STARD9: variants seen among roughly 807,000 people sequenced by gnomAD.
STARD9 encodes StAR related lipid transfer domain containing 9, also known as stAR-related lipid transfer protein 9.
STARD9 carries 346 observed loss-of-function variants against 399.8 expected under a neutral mutation model. That is an observed-to-expected ratio of 0.87 (90% CI 0.79 to 0.95). The LOEUF (loss-of-function observed/expected upper bound fraction) is 0.95, where lower values mean the gene tolerates loss of function less well. Ranked by LOEUF, STARD9 falls within the 40% of genes least tolerant of loss-of-function variation. The probability of loss-of-function intolerance (pLI) is 0.00; values close to 1 mark genes in which losing one functional copy is unlikely to be tolerated. For synonymous variants in STARD9, 2,203 were observed against 2,143.5 expected (o/e 1.03, Z -0.77); for missense variants, 5,832 against 5,667.5 (o/e 1.03, Z -0.93).
chr15:42,601,735 A>G (rs1481260107), intron 3 of STARD9, among the ~76,000 whole-genome samples: 2 of 152,274 alleles, frequency 1.3e-5, no homozygotes, highest in Admixed American at 1.3e-4. Context: ...AAAGATGGAC[A>G]GTGTGTTTGA....
chr15:42,641,340 A>G (rs1431320418), intron 7 of STARD9, among the ~76,000 whole-genome samples: 1 of 152,232 alleles, frequency 6.6e-6, no homozygotes, highest in Non-Finnish European at 1.5e-5. Flanking sequence ...AAACCATTAC[A>G]AATACAGGTG....
chr15:42,588,550 C>A (rs777008143), intron 3 of STARD9, among the ~76,000 whole-genome samples: 5 of 152,080 alleles, frequency 3.3e-5, no homozygotes, highest in Admixed American at 6.6e-5. Context: ...ACCTCTGTCA[C>A]AAGCTGGAGT....
intron 7 of STARD9, among the ~76,000 whole-genome samples, chr15:42,649,247 C>A (rs900915496): frequency 2.6e-5 from 4 of 152,004 alleles, no homozygotes; most frequent in Non-Finnish European, 4.4e-5. Flanking sequence ...TCAGGCTGGT[C>A]TTGAACTCCT....
chr15:42,669,202 G>A lies in STARD9; in HGVS notation c.1362G>A (p.Trp454Ter). 1 of 1,536,394 alleles carries A rather than the reference G, an allele frequency of 6.5e-7. No homozygotes were observed. The highest frequency in any genetic ancestry group is 8.7e-7 in the Non-Finnish European group (1 of 1,146,214). ...TKDWTQKWND[W>*]QALMEHYSVD... ...ACTGGACCCAGAAGTGGAATGATTG[G>A]CAGGCCCTCATGGAGCATTACAGTG... is the stretch of plus-strand genomic sequence containing the variant. Residue 454 changes from tryptophan (W) to a stop codon, truncating the protein, a stop_gained, in exon 16 of 33, where the codon TGG becomes TGA. Coordinates refer to ENST00000290607, the MANE Select transcript of STARD9 (RefSeq NM_020759.3). LOFTEE classifies it high-confidence loss of function.
At chr15:42,658,483 CTT>C (rs533409304) in intron 9 of STARD9, among the ~76,000 whole-genome samples, 7 of 135,114 alleles carry the variant, frequency 5.2e-5, no homozygotes, top group Middle Eastern at 3.8e-3. Context: ...GCCTTTTGCA[CTT>C]TTTTTTTTTT....
intron 3 of STARD9, among the ~76,000 whole-genome samples, chr15:42,620,004 T>A (rs1331156658): frequency 6.6e-6 from 1 of 152,210 alleles, no homozygotes; most frequent in Non-Finnish European, 1.5e-5. Context: ...CTTTTAACTT[T>A]AAAGCTTCCC....
At chr15:42,620,619 A>G (rs1159569547) in intron 3 of STARD9, among the ~76,000 whole-genome samples, 1 of 152,148 alleles carries the variant, frequency 6.6e-6, no homozygotes, top group Non-Finnish European at 1.5e-5. Context: ...GCATTTAGTT[A>G]TCTTAACTCT....
intron 3 of STARD9, among the ~76,000 whole-genome samples, chr15:42,599,638 G>A (rs1382009930): frequency 5.3e-5 from 8 of 152,166 alleles, no homozygotes; most frequent in African/African-American, 1.9e-4. Context: ...TGGATACAAG[G>A]CTTATCTATT....
At chr15:42,647,386 C>T (rs1595701589) in intron 7 of STARD9, among the ~76,000 whole-genome samples, 1 of 152,158 alleles carries the variant, frequency 6.6e-6, no homozygotes, top group East Asian at 1.9e-4. Context: ...TTTAATTCTG[C>T]CAATTTTTGT....
rs1169186175 is a variant in STARD9 at position 42,665,788 on chromosome 15, A to G, written c.1257A>G (p.Arg419=). 12 of 1,537,040 alleles carry G rather than the reference A, an allele frequency of 7.8e-6. No individual in the cohort carries two copies. The highest frequency in any genetic ancestry group is 7.8e-6 in the Non-Finnish European group (9 of 1,146,826). ...LKALLLSFEL[R]NFSSLSDENL... is the part of the protein sequence containing the mutation. ...AGCACATCTCTATCTTTGTGCAGAG[A>G]AACTTCAGTTCATTGAGTGATGAAA... is the stretch of plus-strand genomic sequence containing the variant. Residue 419 remains arginine (R), a splice_region_variant and synonymous_variant, in exon 15 of 33, where the codon AGA becomes AGG. Coordinates refer to ENST00000290607, the MANE Select transcript of STARD9 (RefSeq NM_020759.3).
intron 15 of STARD9, among the ~76,000 whole-genome samples, chr15:42,666,625 A>C (rs974594579): frequency 6.6e-6 from 1 of 152,162 alleles, no homozygotes; most frequent in Non-Finnish European, 1.5e-5. Flanking sequence ...TTCTTGAATC[A>C]GGTTGGTGAC....
In STARD9 at chr15:42,706,885, A is replaced by G. The variant is rs532007544; in HGVS notation, c.13285-9792A>G. Among the ~76,000 whole-genome samples, 7 of 152,316 alleles carry G rather than the reference A, an allele frequency of 4.6e-5. No individual in the cohort carries two copies. The East Asian group carries it at 1.4e-3, about 29-fold the overall frequency. ...TGGAGATGATTTCATTCATTCATCCATCCATCTATCTATTTTGGGGCTAAT... is the reference window on the plus strand; with the variant it reads ...TGGAGATGATTTCATTCATTCATCCGTCCATCTATCTATTTTGGGGCTAAT... On this transcript the variant is annotated intron_variant, in intron 26 of 32. Coordinates refer to ENST00000290607, the MANE Select transcript of STARD9 (RefSeq NM_020759.3).
chr15:42,631,470 C>A (rs1595673768), intron 3 of STARD9, among the ~76,000 whole-genome samples: 1 of 151,804 alleles, frequency 6.6e-6, no homozygotes, highest in Non-Finnish European at 1.5e-5. Context: ...GTCTCAGCTA[C>A]TTGGGATACC....
chr15:42,614,083 C>T (rs527436925), intron 3 of STARD9, among the ~76,000 whole-genome samples: 9 of 152,020 alleles, frequency 5.9e-5, no homozygotes, highest in Non-Finnish European at 7.4e-5. Context: ...AAGGCTGAGG[C>T]GGGCAGATCA....
intron 26 of STARD9, among the ~76,000 whole-genome samples, chr15:42,699,209 A>G (rs118075005): frequency 6.6e-6 from 1 of 152,134 alleles, no homozygotes; most frequent in East Asian, 1.9e-4. Context: ...AACTTGAAAT[A>G]TACATTATAT....
intron 1 of STARD9, among the ~76,000 whole-genome samples, chr15:42,583,128 G>A (rs990973665): frequency 6.6e-6 from 1 of 152,200 alleles, no homozygotes; most frequent in African/African-American, 2.4e-5. Flanking sequence ...GGTACTAAAT[G>A]TGAATGTGAG....
At chr15:42,676,968 C>T (rs1444364533) in intron 20 of STARD9, among the ~76,000 whole-genome samples, 1 of 151,750 alleles carries the variant, frequency 6.6e-6, no homozygotes, top group African/African-American at 2.4e-5. Context: ...GTGCTCTGAT[C>T]AGGGCTGGGC....
intron 26 of STARD9, among the ~76,000 whole-genome samples, chr15:42,712,165 G>T (rs931582582): frequency 1.5e-5 from 1 of 68,762 alleles, no homozygotes; most frequent in Non-Finnish European, 3.3e-5. Context: ...CTTCTTTGGA[G>T]AAATATCTAG....
At chr15:42,616,760 G>A (rs1405710500) in intron 3 of STARD9, among the ~76,000 whole-genome samples, 5 of 151,516 alleles carry the variant, frequency 3.3e-5, no homozygotes, top group Admixed American at 1.3e-4. Flanking sequence ...GTGTAGTGGC[G>A]GGCACCTGTG....
Sources: allele counts gnomAD v4.1 joint callset (sites outside exome capture counted in the v4.1 genomes callset), GRCh38; gene constraint gnomAD v4.1.1; transcripts MANE v1.5; gene names NCBI Gene and HGNC (gene_info 2026-07-23, HGNC 2026-07-21).